The following NCOA1 variants were observed in gnomAD, a reference collection of about 807,000 sequenced individuals.
The protein encoded by NCOA1 is Hin-2 protein.
A neutral mutation model predicts 150.9 loss-of-function variants in NCOA1; 35 were observed. The observed-to-expected ratio is 0.23, with a 90% confidence interval of 0.18 to 0.31. NCOA1 has a LOEUF of 0.31. NCOA1 is among the 10% of genes least tolerant of loss of function. The probability of loss-of-function intolerance (pLI) is 1.00; values close to 1 mark genes in which losing one functional copy is unlikely to be tolerated. For missense variants in NCOA1, 1,491 were observed against 1,749.3 expected (o/e 0.85, Z 2.63); for synonymous variants, 590 against 630.0 (o/e 0.94, Z 0.95).
chr2:24,726,535 A>G (rs941972448), intron 14 of NCOA1, 54 bp from the exon 15 acceptor site: 4 of 1,089,990 alleles, frequency 3.7e-6, no homozygotes, highest in African/African-American at 3.2e-5. Flanking sequence ...TGAAAATACC[A>G]TCATTTTATC....
At chr2:24,760,170 C>T (rs1558346193) in intron 21 of NCOA1, among the ~76,000 whole-genome samples, 3 of 140,428 alleles carry the variant, frequency 2.1e-5, no homozygotes, top group Non-Finnish European at 3.0e-5. Context: ...GATGGAGTCT[C>T]GCCCTTTAGC....
At chr2:24,594,278 T>C (rs548844036) in intron 3 of NCOA1, among the ~76,000 whole-genome samples, 2 of 152,270 alleles carry the variant, frequency 1.3e-5, no homozygotes, top group South Asian at 4.1e-4. Context: ...TTTCGTAACT[T>C]ACTGAAAAAA....
chr2:24,677,380 T>C (rs1460691048), intron 7 of NCOA1, among the ~76,000 whole-genome samples: 1 of 151,958 alleles, frequency 6.6e-6, no homozygotes, highest in Non-Finnish European at 1.5e-5. Flanking sequence ...AAAACAAACC[T>C]GAGACTGGGT....
intron 2 of NCOA1, among the ~76,000 whole-genome samples, chr2:24,570,173 G>A (rs1233046838): frequency 6.6e-6 from 1 of 150,772 alleles, no homozygotes; most frequent in Non-Finnish European, 1.5e-5. Flanking sequence ...TAATGCCACT[G>A]ATTTATGATT....
rs762049381 is a variant in NCOA1, at chr2:24,741,927, A to G, written c.3447A>G (p.Gly1149=). 1.9e-6 allele frequency: 3 copies of G among 1,614,092 alleles called. No individual in the cohort carries two copies. In the East Asian group the frequency reaches 6.7e-5, roughly 36 times the overall value. Residue 1149 remains glycine, a synonymous_variant, in exon 19 of 23, where the codon GGA becomes GGG. Coordinates refer to ENST00000348332, the MANE Select transcript of NCOA1 (RefSeq NM_003743.5). ...SFGNNLPPSS[G]LPVQMGNPRL... is the part of the protein sequence containing the mutation. ...GGAACAACCTCCCTCCCTCATCTGG[A>G]CTACCAGTTCAAATGGGGAACCCCC...
At chr2:24,714,171 A>G (rs56171513) in intron 14 of NCOA1, among the ~76,000 whole-genome samples, 1 of 152,346 alleles carries the variant, frequency 6.6e-6, no homozygotes, top group Non-Finnish European at 1.5e-5. Flanking sequence ...ACCTGCTTTG[A>G]CATCTTAAAA....
At chr2:24,594,371 T>C (rs563958135) in intron 3 of NCOA1, among the ~76,000 whole-genome samples, 1 of 152,282 alleles carries the variant, frequency 6.6e-6, no homozygotes, top group East Asian at 1.9e-4. Flanking sequence ...TTCATGTTCC[T>C]GATGGGGGTA....
intron 3 of NCOA1, among the ~76,000 whole-genome samples, chr2:24,632,901 A>G (rs1048093287): frequency 4.6e-5 from 7 of 152,208 alleles, no homozygotes; most frequent in Admixed American, 1.3e-4. Context: ...AGGGAAGGTC[A>G]TAATTGATAA....
intron 3 of NCOA1, among the ~76,000 whole-genome samples, chr2:24,584,947 A>G (rs978338039): frequency 6.6e-6 from 1 of 152,246 alleles, no homozygotes; most frequent in Non-Finnish European, 1.5e-5. Context: ...CCGGTGTTCA[A>G]AATGGTATGT....
intron 1 of NCOA1, among the ~76,000 whole-genome samples, chr2:24,558,308 A>G (rs761295135): frequency 1.3e-5 from 2 of 152,182 alleles, no homozygotes; most frequent in African/African-American, 4.8e-5. Context: ...GGAAAACTGT[A>G]TTAGTCCATT....
rs142074191 is a variant in NCOA1, at chr2:24,743,003, G to T, written c.3706+817G>T. On this transcript the variant is annotated intron_variant, in intron 19 of 22. Coordinates refer to ENST00000348332, the MANE Select transcript of NCOA1 (RefSeq NM_003743.5). ...TTTTTTCTTTTTTAGTCTTTCTTTGGCACTGTCTTCCATTCTCTTTGTCCT... is the reference window on the plus strand; with the variant it reads ...TTTTTTCTTTTTTAGTCTTTCTTTGTCACTGTCTTCCATTCTCTTTGTCCT... 2.3e-4 allele frequency among the ~76,000 whole-genome samples: 35 copies of T among 152,050 alleles called. No homozygotes were observed. The East Asian group carries it at 6.4e-3, about 28-fold the overall frequency.
In NCOA1 at chr2:24,742,095, G is replaced by A; in HGVS notation, c.3615G>A (p.Val1205=). 1 of 1,614,212 alleles carries A rather than the reference G, an allele frequency of 6.2e-7. No homozygotes were observed. The change falls in exon 19 of 23, where the codon GTG becomes GTA. Residue 1205 remains valine, a synonymous_variant. Coordinates refer to ENST00000348332, the MANE Select transcript of NCOA1 (RefSeq NM_003743.5). ...CCTTGGCCAACCGCAACAGCATGGT[G>A]AGCAGAGGCATGACAGGAAACATAG... The part of the protein sequence containing the change: ...EASLANRNSM[V]SRGMTGNIGG...
chr2:24,739,362 G>T, intron 17 of NCOA1, 70 bp from the exon 18 acceptor site: 5 of 1,086,382 alleles, frequency 4.6e-6, no homozygotes, highest in Non-Finnish European at 7.0e-6. Context: ...TAGAAAGTTT[G>T]TGTTACTTTA....
intron 3 of NCOA1, among the ~76,000 whole-genome samples, chr2:24,607,743 T>C (rs1558834305): frequency 6.6e-6 from 1 of 152,172 alleles, no homozygotes; most frequent in Non-Finnish European, 1.5e-5. Context: ...TATTTGGTTT[T>C]GGTATTAAGG....
At position 24,635,466 on chromosome 2, in the gene NCOA1, C is replaced by CA. The variant is rs561176489; in HGVS notation, c.-174-8493dup. 4.4e-4 allele frequency among the ~76,000 whole-genome samples: 67 copies of CA among 150,894 alleles called. 1 individual carries two copies. The South Asian group carries it at 0.013, about 30-fold the overall frequency. ...CTGCTTGGTTTTGAAAAAGTTCTCA[C>CA]AAAAAAATAAAAATAAAAAAATAAA... On this transcript the variant is annotated intron_variant, in intron 3 of 22. Coordinates refer to ENST00000348332, the MANE Select transcript of NCOA1 (RefSeq NM_003743.5).
rs1670125799 is a variant in NCOA1, at chr2:24,639,950, ATATATATATATATATATATAT to A, written c.-174-4014_-174-3994del. ...TATATATATATATATATATATATAT[ATATATATATATATATATATAT>A]TCAGAGTATAAACGCAACTTCAGAG... On this transcript the variant is annotated intron_variant, in intron 3 of 22. Transcript: ENST00000348332. 3.4e-5 allele frequency among the ~76,000 whole-genome samples: 4 copies of A among 117,178 alleles called. No homozygotes were observed. In the East Asian group the frequency reaches 7.2e-4, roughly 21 times the overall value. The allele number at this position is 117,178 out of a possible 152,430, so 76.9% of individuals were successfully genotyped here. A position where few individuals can be genotyped will look rare whatever the true frequency, so the allele number is the denominator to read the frequency against.
At chr2:24,729,903 T>C in intron 17 of NCOA1, 88 bp downstream of exon 17, 1 of 1,393,300 alleles carries the variant, frequency 7.2e-7, no homozygotes, top group Non-Finnish European at 9.7e-7. Context: ...TAGTGTGCAG[T>C]AGTGCTATCT....
chr2:24,608,208 A>G lies in NCOA1; in HGVS notation c.-175+23648A>G, dbSNP rs531858158. 3.0e-3 allele frequency among the ~76,000 whole-genome samples: 445 copies of G among 149,762 alleles called. 5 individuals are homozygous for G. The highest frequency in any genetic ancestry group is 0.021 in the Middle Eastern group (6 of 282). Reference sequence around the variant, plus strand: ...AGATTTACAGAAGAGTTGTAAGAATAGTATATTGAATTCCCATATACTCCT... The same window carrying G: ...AGATTTACAGAAGAGTTGTAAGAATGGTATATTGAATTCCCATATACTCCT... On this transcript the variant is annotated intron_variant, in intron 3 of 22. Coordinates refer to ENST00000348332, the MANE Select transcript of NCOA1 (RefSeq NM_003743.5).
intron 1 of NCOA1, among the ~76,000 whole-genome samples, chr2:24,494,331 T>C (rs987318081): frequency 2.0e-5 from 3 of 152,252 alleles, no homozygotes; most frequent in African/African-American, 7.2e-5. Flanking sequence ...ATACCTCCTC[T>C]TAGATACTAC....
Sources: allele counts gnomAD v4.1 joint callset (sites outside exome capture counted in the v4.1 genomes callset), GRCh38; gene constraint gnomAD v4.1.1; transcripts MANE v1.5; gene names NCBI Gene and HGNC (gene_info 2026-07-23, HGNC 2026-07-21).